PITPNM2: variants seen among roughly 807,000 people sequenced by gnomAD.
The protein encoded by PITPNM2 is membrane-associated phosphatidylinositol transfer protein 2.
In PITPNM2, 35 loss-of-function variants were observed where a neutral mutation model predicts 132.2. The ratio of observed to expected loss-of-function variants is 0.26; its 90% CI spans 0.20 to 0.35. The LOEUF (loss-of-function observed/expected upper bound fraction) is 0.35. PITPNM2 is among the 10% of genes least tolerant of loss of function. The pLI, the probability that PITPNM2 is intolerant of heterozygous loss-of-function variation, is 1.00. For synonymous variants in PITPNM2, 738 were observed against 799.2 expected (o/e 0.92, Z 1.29); for missense variants, 1,332 against 1,912.0 (o/e 0.70, Z 5.66).
chr12:123,084,569 T>C (rs1354641818), intron 2 of PITPNM2: 3 of 152,178 alleles, frequency 2.0e-5, no homozygotes, highest in African/African-American at 7.2e-5. Context: ...AAAGAGCCCC[T>C]CCGCTGCCCC....
At chr12:123,113,900 G>T (rs1379551177) in intron 1 of PITPNM2, among the ~76,000 whole-genome samples, 1 of 152,036 alleles carries the variant, frequency 6.6e-6, no homozygotes, top group African/African-American at 2.4e-5. Flanking sequence ...CTGCCTCTAT[G>T]GGTTTGCCTA....
At chr12:122,990,024 G>T in intron 17 of PITPNM2, 76 bp from the exon 18 acceptor site, 1 of 1,169,868 alleles carries the variant, frequency 8.5e-7, no homozygotes, top group South Asian at 2.9e-5. Flanking sequence ...GGCCAGGCAG[G>T]ACACTGGGAC....
At chr12:123,112,828 GCACCCAGCCTA>G (rs2042867737) in intron 1 of PITPNM2, among the ~76,000 whole-genome samples, 1 of 152,128 alleles carries the variant, frequency 6.6e-6, no homozygotes, top group Admixed American at 6.5e-5. Flanking sequence ...GTGAGCCACT[GCACCCAGCCTA>G]AATCTTCAAT....
intron 2 of PITPNM2, among the ~76,000 whole-genome samples, chr12:123,066,801 C>G (rs1479856510): frequency 6.6e-6 from 1 of 152,128 alleles, no homozygotes; most frequent in Non-Finnish European, 1.5e-5. Context: ...CTACTGGACC[C>G]CCTCGGCTGC....
Position 123,005,246 on chromosome 12 carries a change from G to T in PITPNM2, c.946C>A (p.Arg316=), listed in dbSNP as rs768742717. ...TSSKSSRSSK[R]GASPSRHSIS... ...AGGTGGCGCAGGGCCTTACCTCCCC[G>T]CTTGGACGACCGAGACGACTTGGAG... is the stretch of plus-strand genomic sequence containing the variant. Residue 316 remains arginine, a synonymous_variant, in exon 7 of 26, where the codon CGG becomes AGG. Coordinates refer to ENST00000320201, the MANE Select transcript of PITPNM2 (RefSeq NM_020845.3). This position sits in a 1 kb window ranked among gnomAD's most constrained non-coding sequence, Gnocchi z 6.2. The T allele has an allele frequency of 6.2e-7, 1 of 1,611,504 alleles. No homozygotes were observed. The highest frequency in any genetic ancestry group is 2.2e-5 in the East Asian group (1 of 44,808).
At chr12:122,986,926 C>T (rs1021602349) in intron 23 of PITPNM2, 97 bp from the exon 24 acceptor site, 36 of 1,386,796 alleles carry the variant, frequency 2.6e-5, no homozygotes, top group Non-Finnish European at 3.4e-5. Context: ...TTGGAAAGCA[C>T]ATCTCTGATT....
chr12:123,004,351 C>T lies in PITPNM2; in HGVS notation c.1048+43G>A, dbSNP rs375351377. On this transcript the variant is annotated intron_variant, in intron 8 of 25. Transcript: ENST00000320201. The surrounding 1 kb of genome is among the most constrained non-coding windows in gnomAD (Gnocchi z 4.9). ...AGCCCTTTCAGACCCCTCCCCACCT[C>T]GCCCAGGAAGGCCCCAAGGACTGCA... The T allele has an allele frequency of 1.8e-5, 29 of 1,595,048 alleles. No homozygotes were observed. In the Admixed American group the frequency reaches 2.2e-4, roughly 12 times the overall value.
intron 2 of PITPNM2, chr12:123,081,399 G>A: frequency 6.6e-6 from 1 of 152,522 alleles, no homozygotes; most frequent in Non-Finnish European, 1.5e-5. Context: ...CTGGGCAGGG[G>A]CTGTAAAATT....
In PITPNM2 at chr12:122,992,724, G is replaced by C. The variant is rs1410418010; in HGVS notation, c.2234-55C>G. ...GGGGCTGGCCCTGAGGAGCAGTGGT[G>C]GGGGTGGGAAATTTGGGAACTGGGC... On this transcript the variant is annotated intron_variant, in intron 15 of 25. Transcript: ENST00000320201. The surrounding 1 kb of genome is among the most constrained non-coding windows in gnomAD (Gnocchi z 6.5). 7 of 1,398,204 alleles carry C rather than the reference G, an allele frequency of 5.0e-6. No individual in the cohort carries two copies. In the East Asian group the frequency reaches 1.5e-4, roughly 30 times the overall value. 86.6% of individuals were successfully genotyped at this position (1,398,204 alleles called of 1,614,324 possible). A position where few individuals can be genotyped will look rare whatever the true frequency, so the allele number is the denominator to read the frequency against.
chr12:123,049,434 C>G (rs1055323222), intron 2 of PITPNM2, among the ~76,000 whole-genome samples: 5 of 152,200 alleles, frequency 3.3e-5, no homozygotes, highest in Non-Finnish European at 7.3e-5. Flanking sequence ...CATAGCTCCT[C>G]CATCGCCACT....
chr12:123,068,281 C>G (rs899249998), intron 2 of PITPNM2, among the ~76,000 whole-genome samples: 1 of 152,046 alleles, frequency 6.6e-6, no homozygotes, highest in African/African-American at 2.4e-5. Context: ...TCCTGGCTAA[C>G]ACGGTGAAAC....
rs372515303 is a variant in PITPNM2 at position 122,995,576 on chromosome 12, TGCCACCACC to T, written c.1858_1866del (p.Gly620_Gly622del). ...CCACTACTGCCACCACCACCACTGCTGCCACCACCGCCACCGCCGCCACCGCCACCACCG... is the reference window on the plus strand; with the variant it reads ...CCACTACTGCCACCACCACCACTGCTGCCACCGCCGCCACCGCCACCACCG... On this transcript the variant is annotated inframe_deletion, in exon 14 of 26. Coordinates refer to ENST00000320201, the MANE Select transcript of PITPNM2 (RefSeq NM_020845.3). 8.2e-3 allele frequency: 13,247 copies of T among 1,607,138 alleles called. 803 individuals carry two copies. The African/African-American group carries it at 0.15, about 18-fold the overall frequency.
Position 123,010,015 on chromosome 12 carries a change from T to C in PITPNM2, c.478A>G (p.Lys160Glu). The change falls in exon 6 of 26, where the codon AAG (lysine) becomes GAG (glutamate). Residue 160 changes from lysine to glutamate, a missense_variant. Coordinates refer to ENST00000320201, the MANE Select transcript of PITPNM2 (RefSeq NM_020845.3). ...HNEYKTEEDP[K>E]LFQSTKTQRG... ...TGGGTCTTGGTTGACTGGAACAGCT[T>C]GGGGTCCTCTTCTGTCTTATACTCG... 5 of 1,614,196 alleles carry C rather than the reference T, an allele frequency of 3.1e-6. No homozygotes were observed. The highest frequency in any genetic ancestry group is 3.4e-6 in the Non-Finnish European group (4 of 1,180,028).
chr12:123,027,963 C>G (rs2039925823), intron 3 of PITPNM2, among the ~76,000 whole-genome samples: 1 of 152,256 alleles, frequency 6.6e-6, no homozygotes, highest in Non-Finnish European at 1.5e-5. Flanking sequence ...GCCACATGAG[C>G]AGCCACCCCC....
intron 17 of PITPNM2, among the ~76,000 whole-genome samples, 170 bp downstream of exon 17, chr12:122,990,375 C>T (rs1328666314): frequency 6.6e-6 from 1 of 152,254 alleles, no homozygotes; most frequent in East Asian, 1.9e-4. Flanking sequence ...TGGGGCTGGC[C>T]CGGGCACTGC....
intron 1 of PITPNM2, among the ~76,000 whole-genome samples, chr12:123,134,834 G>A (rs891605524): frequency 6.6e-6 from 1 of 152,106 alleles, no homozygotes. Flanking sequence ...GAGGAAATAA[G>A]GCCTCTGCGG....
intron 3 of PITPNM2, among the ~76,000 whole-genome samples, chr12:123,019,304 T>C (rs1002045133): frequency 1.3e-5 from 2 of 152,248 alleles, no homozygotes; most frequent in African/African-American, 4.8e-5. Context: ...TTGCTTGGCC[T>C]GGTGCTGGTT....
At chr12:123,086,071 T>C (rs1435774505) in intron 2 of PITPNM2, among the ~76,000 whole-genome samples, 3 of 152,262 alleles carry the variant, frequency 2.0e-5, no homozygotes, top group Non-Finnish European at 4.4e-5. Context: ...ACCTGCTTCC[T>C]ACGTTTATTT....
At chr12:123,065,213 G>A (rs899959428) in intron 2 of PITPNM2, among the ~76,000 whole-genome samples, 3 of 152,210 alleles carry the variant, frequency 2.0e-5, no homozygotes, top group Non-Finnish European at 4.4e-5. Flanking sequence ...GGCTTTCCGA[G>A]AGCATCCAAA....
Sources: gnomAD v4.1 joint callset for allele counts (sites outside exome capture counted in the v4.1 genomes callset) on GRCh38, gnomAD v4.1.1 for gene constraint, Gnocchi (gnomAD v3.1) non-coding constraint, MANE v1.5 for transcripts, NCBI Gene and HGNC (gene_info 2026-07-23, HGNC 2026-07-21) for gene names.